RAB35: variants seen among roughly 807,000 people sequenced by gnomAD.
RAB35 encodes RAB35, member RAS oncogene family.
In RAB35, 4 loss-of-function variants were observed where a neutral mutation model predicts 28.9. The ratio of observed to expected loss-of-function variants is 0.14; its 90% CI spans 0.07 to 0.32. RAB35 has a LOEUF of 0.32. RAB35 is among the 10% of genes least tolerant of loss of function. The probability of loss-of-function intolerance (pLI) is 1.00; values close to 1 mark genes in which losing one functional copy is unlikely to be tolerated. For missense variants in RAB35, 128 were observed against 274.0 expected, an observed-to-expected ratio of 0.47 and a Z score of 3.76; for synonymous variants, 99 against 105.1, an observed-to-expected ratio of 0.94 and a Z score of 0.35.
intron 1 of RAB35, chr12:120,108,708 G>A (rs555927653): frequency 1.4e-5 from 9 of 652,988 alleles, no homozygotes; most frequent in African/African-American, 3.6e-5. Flanking sequence ...AATCCCCTGG[G>A]GGAGAGATGA....
chr12:120,100,627 C>T (rs995942184), intron 3 of RAB35, among the ~76,000 whole-genome samples: 1 of 152,172 alleles, frequency 6.6e-6, no homozygotes, highest in African/African-American at 2.4e-5. Context: ...CAAAGCCCAA[C>T]CTGCCCCTGC....
chr12:120,105,716 G>T (rs542293479), intron 2 of RAB35, among the ~76,000 whole-genome samples: 1 of 152,104 alleles, frequency 6.6e-6, no homozygotes, highest in Admixed American at 6.5e-5. Flanking sequence ...GAGGTCAGGA[G>T]ATCAAGACCA....
At chr12:120,112,759 C>A (rs916064586) in intron 1 of RAB35, among the ~76,000 whole-genome samples, 1 of 146,624 alleles carries the variant, frequency 6.8e-6, no homozygotes, top group African/African-American at 2.5e-5. Flanking sequence ...GTGTCTCATT[C>A]TGTCACCCAG....
Position 120,103,929 on chromosome 12 carries a change from C to T in RAB35, c.124G>A (p.Gly42Arg). 2 of 1,614,078 alleles carry T rather than the reference C, an allele frequency of 1.2e-6. No homozygotes were observed. The highest frequency in any genetic ancestry group is 1.7e-6 in the Non-Finnish European group (2 of 1,180,006). Residue 42 changes from glycine to arginine, a missense_variant, in exon 3 of 6, where the codon GGA becomes AGA. Coordinates refer to ENST00000229340, the MANE Select transcript of RAB35 (RefSeq NM_006861.7). The surrounding 1 kb of genome is among the most constrained non-coding windows in gnomAD (Gnocchi z 6.1). ...TFSGSYITTIGVDFKIRTVEI... is the reference protein window; with the variant it reads ...TFSGSYITTIRVDFKIRTVEI... ...ACGGTCCGGATCTTGAAATCCACTC[C>T]GATCGTGGTGATGTAGCTGCCTGCA...
rs1177602513 is a variant in RAB35, at chr12:120,095,411, T to C, written c.*1834A>G. The C allele has an allele frequency of 6.6e-6, 1 of 151,766 alleles. No homozygotes were observed. Among genetic ancestry groups the C allele is most frequent in the East Asian group, 2.0e-4 (1 of 5,072 alleles). 9.4% of individuals were successfully genotyped at this position (151,766 alleles called of 1,614,324 possible). On this transcript the variant is annotated 3_prime_UTR_variant, in exon 6 of 6. Transcript: ENST00000229340. Reference sequence around the variant, plus strand: ...GAAGCCCCCAGGAACCCCCCTCTTATTGCTTGAATTTGCAAGCACACCCTC... The same window carrying C: ...GAAGCCCCCAGGAACCCCCCTCTTACTGCTTGAATTTGCAAGCACACCCTC...
chr12:120,115,050 C>T (rs1876274498), intron 1 of RAB35, among the ~76,000 whole-genome samples: 1 of 152,150 alleles, frequency 6.6e-6, no homozygotes. Flanking sequence ...CCAGAGCTTG[C>T]CTGGTTTCCC....
intron 1 of RAB35, among the ~76,000 whole-genome samples, chr12:120,109,045 AC>A (rs1445907571): frequency 1.3e-5 from 2 of 152,166 alleles, no homozygotes; most frequent in Admixed American, 6.5e-5. Context: ...TCTGCCTTAT[AC>A]CCATCAGGGC....
chr12:120,108,317 T>G, intron 2 of RAB35, 100 bp downstream of exon 2: 1 of 1,256,158 alleles, frequency 8.0e-7, no homozygotes, highest in Non-Finnish European at 1.1e-6. Flanking sequence ...ATGAGACAGT[T>G]CCCAACATCA....
chr12:120,109,409 T>G (rs1196243098), intron 1 of RAB35, among the ~76,000 whole-genome samples: 1 of 151,746 alleles, frequency 6.6e-6, no homozygotes, highest in Admixed American at 6.6e-5. Context: ...GCTGAGATCA[T>G]GCCACTGCAC....
chr12:120,116,184 C>T (rs1876326507), intron 1 of RAB35, among the ~76,000 whole-genome samples: 1 of 152,176 alleles, frequency 6.6e-6, no homozygotes, highest in Non-Finnish European at 1.5e-5. Context: ...CCTACTTTAT[C>T]CCATCGAATC....
intron 1 of RAB35, among the ~76,000 whole-genome samples, chr12:120,110,732 G>C (rs1268498663): frequency 6.6e-6 from 1 of 152,294 alleles, no homozygotes; most frequent in African/African-American, 2.4e-5. Flanking sequence ...GCTGCCCCAC[G>C]ATGCCCAGAA....
At chr12:120,111,920 C>G (rs1239354325) in intron 1 of RAB35, among the ~76,000 whole-genome samples, 1 of 152,100 alleles carries the variant, frequency 6.6e-6, no homozygotes, top group African/African-American at 2.4e-5. Context: ...ACCTTCACCA[C>G]AGCCACCCCC....
intron 3 of RAB35, among the ~76,000 whole-genome samples, chr12:120,100,988 C>T (rs1171624189): frequency 1.3e-5 from 2 of 152,232 alleles, no homozygotes; most frequent in Non-Finnish European, 2.9e-5. Context: ...TGCCAAGAAA[C>T]GCCTGCAGCC....
rs749197781 is a variant in RAB35 at position 120,103,678 on chromosome 12, C to T, written c.227+148G>A. The T allele has an allele frequency of 2.0e-5, 24 of 1,202,756 alleles. No homozygotes were observed. The highest frequency in any genetic ancestry group is 2.8e-5 in the South Asian group (2 of 70,220). The allele number at this position is 1,202,756 out of a possible 1,614,324, so 74.5% of individuals were successfully genotyped here. On this transcript the variant is annotated intron_variant, in intron 3 of 5. Coordinates refer to ENST00000229340, the MANE Select transcript of RAB35 (RefSeq NM_006861.7). This position sits in a 1 kb window ranked among gnomAD's most constrained non-coding sequence, Gnocchi z 6.1. ...CAGGACCAGGAAGGGTGCAGCCAAA[C>T]GCCACCTACTACAGCCAACAACAGG...
rs767822189 is a variant in RAB35, at chr12:120,096,517, A to G, written c.*728T>C. On this transcript the variant is annotated 3_prime_UTR_variant, in exon 6 of 6. Transcript: ENST00000229340. ...AACCTGTTGGTGTAAATGAGAAGCC[A>G]TGGCTGCCCTGGGTTTGGAGCTCAG... is the stretch of plus-strand genomic sequence containing the variant. The G allele has an allele frequency of 3.5e-5, 45 of 1,289,668 alleles. No individual in the cohort carries two copies. The highest frequency in any genetic ancestry group is 1.6e-5 in the Non-Finnish European group (16 of 988,892). 79.9% of individuals were successfully genotyped at this position (1,289,668 alleles called of 1,614,324 possible).
chr12:120,115,136 TG>T (rs1876278575), intron 1 of RAB35, among the ~76,000 whole-genome samples: 1 of 152,120 alleles, frequency 6.6e-6, no homozygotes, highest in South Asian at 2.1e-4. Flanking sequence ...TCCATCTCCC[TG>T]GTTAGCCCCC....
rs568007667 is a variant in RAB35, at chr12:120,101,199, C to T, written c.228-2045G>A. 3.3e-5 allele frequency among the ~76,000 whole-genome samples: 5 copies of T among 152,328 alleles called. No homozygotes were observed. The South Asian group carries it at 8.3e-4, about 25-fold the overall frequency. ...TCACTCACAGGGACTCTGCTCTAGG[C>T]CAGGCACAGAGCTGGGGGCTTGGTA... On this transcript the variant is annotated intron_variant, in intron 3 of 5. Transcript: ENST00000229340.
chr12:120,108,684 A>G (rs1255191256), intron 1 of RAB35: 2 of 675,652 alleles, frequency 3.0e-6, no homozygotes, highest in Admixed American at 4.1e-5. Context: ...CTTGTGTAAG[A>G]CAAGCTGCTC....
intron 1 of RAB35, among the ~76,000 whole-genome samples, chr12:120,110,928 C>T (rs2139061027): frequency 6.6e-6 from 1 of 152,340 alleles, no homozygotes; most frequent in East Asian, 1.9e-4. Context: ...GGGTTGGGTC[C>T]TTCACGGCGC....
Sources: gnomAD v4.1 joint callset for allele counts (sites outside exome capture counted in the v4.1 genomes callset) on GRCh38, gnomAD v4.1.1 for gene constraint, Gnocchi (gnomAD v3.1) non-coding constraint, MANE v1.5 for transcripts, NCBI Gene and HGNC (gene_info 2026-07-23, HGNC 2026-07-21) for gene names.